The following CCDC171 variants were observed in gnomAD, a reference collection of about 807,000 sequenced individuals.
CCDC171 encodes the protein coiled-coil domain-containing protein 171.
CCDC171 carries 177 observed loss-of-function variants against 168.2 expected under a neutral mutation model. That is an observed-to-expected ratio of 1.05 (90% CI 0.93 to 1.19). The LOEUF is 1.19. Among genes scored for constraint, CCDC171 ranks in the 50% most tolerant of loss-of-function variants. The pLI is 0.00. For synonymous variants in CCDC171, 687 were observed against 540.8 expected (o/e 1.27, Z -3.75); for missense variants, 1,991 against 1,539.0 (o/e 1.29, Z -4.91).
At chr9:15,995,849 A>G (rs868091230) in intron 3 of CCDC171, among the ~76,000 whole-genome samples, 25 of 152,168 alleles carry the variant, frequency 1.6e-4, no homozygotes, top group African/African-American at 5.8e-4. Context: ...TCAACATACC[A>G]TTAATTGTCA....
chr9:15,777,957 T>G, intron 19 of CCDC171, 131 bp downstream of exon 19: 1 of 610,520 alleles, frequency 1.6e-6, no homozygotes. Context: ...CATGTAAAAT[T>G]TTAATACACT....
intron 21 of CCDC171, among the ~76,000 whole-genome samples, chr9:15,812,834 C>T (rs1223923377): frequency 2.6e-5 from 4 of 152,154 alleles, no homozygotes; most frequent in Non-Finnish European, 4.4e-5. Context: ...GCTGTGCGTT[C>T]CCTGTCCCCA....
At chr9:15,901,476 C>T (rs1314742727) in intron 24 of CCDC171, among the ~76,000 whole-genome samples, 1 of 152,142 alleles carries the variant, frequency 6.6e-6, no homozygotes, top group African/African-American at 2.4e-5. Flanking sequence ...GTACTTCATG[C>T]TCAACTTTTC....
At chr9:15,739,730 T>C (rs1166091912) in intron 16 of CCDC171, among the ~76,000 whole-genome samples, 2 of 145,632 alleles carry the variant, frequency 1.4e-5, no homozygotes, top group African/African-American at 2.4e-5. Context: ...AAATTATTTA[T>C]GTAATACCAA....
chr9:15,878,953 T>C (rs1454467182), intron 24 of CCDC171, among the ~76,000 whole-genome samples: 6 of 151,876 alleles, frequency 4.0e-5, no homozygotes, highest in East Asian at 1.9e-4. Flanking sequence ...AGGGGAACAA[T>C]TGGGGCCTTG....
Position 15,777,796 on chromosome 9 carries a change from A to C in CCDC171, c.2868A>C (p.Lys956Asn), listed in dbSNP as rs762828606. Residue 956 changes from lysine (K) to asparagine (N), a missense_variant, in exon 19 of 26, where the codon AAA becomes AAC. Transcript: ENST00000380701. ...GLHKVNTLAL[K>N]YGLRGHVPIT... ...ATAAAGTAAACACACTGGCCCTGAAATATGGTTTGCGTGGCCATGTGCCCA... is the reference window on the plus strand; with the variant it reads ...ATAAAGTAAACACACTGGCCCTGAACTATGGTTTGCGTGGCCATGTGCCCA... 1 of 1,611,680 alleles carries C rather than the reference A, an allele frequency of 6.2e-7. No homozygotes were observed. Among genetic ancestry groups the C allele is most frequent in the African/African-American group, 1.3e-5 (1 of 74,914 alleles).
chr9:15,583,729 G>A (rs1190459130), intron 4 of CCDC171, among the ~76,000 whole-genome samples: 1 of 151,690 alleles, frequency 6.6e-6, no homozygotes, highest in East Asian at 1.9e-4. Context: ...CACTACTAAT[G>A]AACTTTTGCC....
At chr9:16,092,915 C>G in the CCDC171 span, among the ~76,000 whole-genome samples, 1 of 152,238 alleles carries the variant, frequency 6.6e-6, no homozygotes, top group Non-Finnish European at 1.5e-5. Context: ...CCCTGTGCAG[C>G]CTGGTGGCCT....
chr9:15,916,985 A>G (rs1824619833), intron 24 of CCDC171, among the ~76,000 whole-genome samples: 1 of 151,928 alleles, frequency 6.6e-6, no homozygotes, highest in African/African-American at 2.4e-5. Context: ...ATATAATATC[A>G]TGCTGTTTTG....
At chr9:15,794,856 C>T (rs2058471026) in intron 21 of CCDC171, among the ~76,000 whole-genome samples, 2 of 152,202 alleles carry the variant, frequency 1.3e-5, no homozygotes, top group East Asian at 1.9e-4. Flanking sequence ...TATTGCTGCA[C>T]CCAGTTTCTT....
chr9:15,966,271 C>G (rs192661396), intron 25 of CCDC171, among the ~76,000 whole-genome samples: 2 of 152,100 alleles, frequency 1.3e-5, no homozygotes, highest in Non-Finnish European at 1.5e-5. Flanking sequence ...GAGTTTGAAA[C>G]GTGGAGGACT....
At chr9:15,950,416 G>T (rs2132453059) in intron 25 of CCDC171, among the ~76,000 whole-genome samples, 1 of 152,248 alleles carries the variant, frequency 6.6e-6, no homozygotes, top group African/African-American at 2.4e-5. Context: ...CAGACTAACA[G>T]CAGATGTCTT....
At position 15,571,614 on chromosome 9, in the gene CCDC171, C is replaced by T. The variant is rs2040228020; in HGVS notation, c.42-10C>T. 1.3e-6 allele frequency: 2 copies of T among 1,531,930 alleles called. No homozygotes were observed. Among genetic ancestry groups the T allele is most frequent in the African/African-American group, 1.4e-5 (1 of 69,854 alleles). The allele number at this position is 1,531,930 out of a possible 1,614,324, so 94.9% of individuals were successfully genotyped here. On this transcript the variant is annotated splice_polypyrimidine_tract_variant and intron_variant, in intron 2 of 25. Coordinates refer to ENST00000380701, the MANE Select transcript of CCDC171 (RefSeq NM_173550.4). ...AAGCATATACATTTTACTGTAATCT[C>T]ATTTTAAAGGTTGAAGATTGCCTCA...
At chr9:15,646,567 A>C (rs2047057527) in intron 7 of CCDC171, among the ~76,000 whole-genome samples, 1 of 152,154 alleles carries the variant, frequency 6.6e-6, no homozygotes, top group African/African-American at 2.4e-5. Context: ...ATCTACCAAG[A>C]AAATGGAAAA....
chr9:15,799,166 A>ATATATATATATATATATATAT (rs2058701375), intron 21 of CCDC171, among the ~76,000 whole-genome samples: 1 of 130,466 alleles, frequency 7.7e-6, no homozygotes, highest in Non-Finnish European at 1.6e-5. Flanking sequence ...ATATATATAT[A>ATATATATATATATATATATAT]CCATTTTGAT....
At chr9:15,620,541 G>T (rs1269007947) in intron 6 of CCDC171, among the ~76,000 whole-genome samples, 1 of 152,196 alleles carries the variant, frequency 6.6e-6, no homozygotes, top group African/African-American at 2.4e-5. Flanking sequence ...AATGGGTGAG[G>T]AGTTGCTTCT....
intron 18 of CCDC171, among the ~76,000 whole-genome samples, chr9:15,756,551 T>C (rs1236650977): frequency 6.6e-6 from 1 of 152,222 alleles, no homozygotes; most frequent in Non-Finnish European, 1.5e-5. Context: ...CTCCCTACTC[T>C]AGTAGTCCCC....
chr9:15,962,947 TG>T (rs1448524212), intron 25 of CCDC171, among the ~76,000 whole-genome samples: 1 of 151,974 alleles, frequency 6.6e-6, no homozygotes, highest in South Asian at 2.1e-4. Flanking sequence ...ATTTTGAACA[TG>T]TTTTTTTCAC....
chr9:15,996,823 C>T (rs1832388507), intron 3 of CCDC171, among the ~76,000 whole-genome samples: 1 of 151,958 alleles, frequency 6.6e-6, no homozygotes, highest in African/African-American at 2.4e-5. Flanking sequence ...TAAAATATTA[C>T]ATAAATGAAT....
Sources: allele counts gnomAD v4.1 joint callset (sites outside exome capture counted in the v4.1 genomes callset), GRCh38; gene constraint gnomAD v4.1.1; transcripts MANE v1.5; gene names NCBI Gene and HGNC (gene_info 2026-07-23, HGNC 2026-07-21).